SFXN2: variants seen among roughly 807,000 people sequenced by gnomAD.
SFXN2 encodes the protein sideroflexin 2, also known as sideroflexin-2.
A neutral mutation model predicts 41.9 loss-of-function variants in SFXN2; 37 were observed. The observed-to-expected ratio is 0.88, with a 90% CI of 0.68 to 1.16. The LOEUF is 1.16. SFXN2 is among the 50% of genes most tolerant of loss of function. The pLI is 0.00. For synonymous variants in SFXN2, 150 were observed against 156.7 expected, an observed-to-expected ratio of 0.96 and a Z score of 0.32; for missense variants, 386 against 425.2, an observed-to-expected ratio of 0.91 and a Z score of 0.81.
At chr10:102,725,420 C>T (rs1025563863) in intron 1 of SFXN2, among the ~76,000 whole-genome samples, 3 of 152,122 alleles carry the variant, frequency 2.0e-5, no homozygotes, top group African/African-American at 7.2e-5. Flanking sequence ...AAGGGTAGAC[C>T]TTGTTGAGAA....
intron 1 of SFXN2, among the ~76,000 whole-genome samples, chr10:102,718,612 C>G (rs530876019): frequency 6.6e-6 from 1 of 152,238 alleles, no homozygotes; most frequent in Admixed American, 6.5e-5. Flanking sequence ...AGAGAAGCAT[C>G]GGGGCCAGGC....
chr10:102,722,541 A>G (rs1002255444), intron 1 of SFXN2, among the ~76,000 whole-genome samples: 10 of 152,246 alleles, frequency 6.6e-5, no homozygotes, highest in African/African-American at 2.4e-4. Context: ...TTTGTTTGTT[A>G]GTGTTTTTTC....
At chr10:102,719,408 T>TA (rs1009129171) in intron 1 of SFXN2, among the ~76,000 whole-genome samples, 53 of 150,982 alleles carry the variant, frequency 3.5e-4, no homozygotes, top group African/African-American at 8.0e-4. Flanking sequence ...TTTTTTTTTT[T>TA]ATTAGAGATG....
chr10:102,731,840 C>G, intron 7 of SFXN2, 57 bp downstream of exon 7: 13 of 1,502,064 alleles, frequency 8.7e-6, no homozygotes, highest in Non-Finnish European at 1.2e-5. Flanking sequence ...ATACCCTGTC[C>G]CCTCCTTAGT....
intron 1 of SFXN2, among the ~76,000 whole-genome samples, chr10:102,721,536 A>G (rs982945776): frequency 6.8e-6 from 1 of 147,744 alleles, no homozygotes; most frequent in African/African-American, 2.4e-5. Flanking sequence ...ATTCATGTCT[A>G]TATAAATAAA....
rs191210516 is a variant in SFXN2 at position 102,714,688 on chromosome 10, G to A, written c.-26+7G>A. On this transcript the variant is annotated splice_region_variant and intron_variant, in intron 1 of 11. Coordinates refer to ENST00000369893, the MANE Select transcript of SFXN2 (RefSeq NM_178858.6). ...GCATTTGTCCCGGGACCAGGTAAGG[G>A]GCCTTGGGACAATGGCGCTCGCCCT... 106 of 210,586 alleles carry A rather than the reference G, an allele frequency of 5.0e-4. No homozygotes were observed. The East Asian group carries it at 9.6e-3, about 19-fold the overall frequency. 13.0% of individuals were successfully genotyped at this position (210,586 alleles called of 1,614,324 possible).
chr10:102,715,055 CAG>C (rs1388306438), intron 1 of SFXN2: 1 of 152,712 alleles, frequency 6.5e-6, no homozygotes, highest in African/African-American at 2.4e-5. Context: ...TGTTTTGACA[CAG>C]GGTGTCGCTC....
intron 11 of SFXN2, 34 bp downstream of exon 11, chr10:102,735,943 G>A: frequency 6.2e-7 from 1 of 1,607,996 alleles, no homozygotes; most frequent in Non-Finnish European, 8.5e-7. Context: ...TGGTTTAATT[G>A]ACCATGCTGC....
rs1035270087 is a variant in SFXN2, at chr10:102,730,567, C to G, written c.593+759C>G. ...TGCTGCTCCATTCATCTTTCCTTCC[C>G]CATCCAGTGGCCCTTTCCTAACAGG... On this transcript the variant is annotated intron_variant, in intron 6 of 11. Coordinates refer to ENST00000369893, the MANE Select transcript of SFXN2 (RefSeq NM_178858.6). Among the ~76,000 whole-genome samples, 3 of 152,224 alleles carry G rather than the reference C, an allele frequency of 2.0e-5. No individual in the cohort carries two copies. In the East Asian group the frequency reaches 5.8e-4, roughly 29 times the overall value.
At chr10:102,731,811 G>A in intron 7 of SFXN2, 28 bp downstream of exon 7, 1 of 1,605,748 alleles carries the variant, frequency 6.2e-7, no homozygotes, top group Non-Finnish European at 8.5e-7. Flanking sequence ...TTTGGGGTGG[G>A]AGGAGGGAAT....
intron 11 of SFXN2, 71 bp from the exon 12 acceptor site, chr10:102,737,592 T>A: frequency 1.1e-6 from 1 of 948,936 alleles, no homozygotes; most frequent in Admixed American, 1.8e-5. Context: ...TTCTTGGAGG[T>A]GATATTCATC....
intron 10 of SFXN2, among the ~76,000 whole-genome samples, chr10:102,735,546 C>G (rs1337296158): frequency 2.0e-5 from 3 of 152,126 alleles, no homozygotes; most frequent in Non-Finnish European, 2.9e-5. Flanking sequence ...TCCTTTCGCT[C>G]GATGCCAGCA....
At chr10:102,737,458 G>A (rs1454233320) in intron 11 of SFXN2, among the ~76,000 whole-genome samples, 2 of 152,190 alleles carry the variant, frequency 1.3e-5, no homozygotes, top group African/African-American at 4.8e-5. Context: ...ATCTTGTGGA[G>A]AAGATGGAAG....
chr10:102,721,191 C>G (rs1046793800), intron 1 of SFXN2, among the ~76,000 whole-genome samples: 2 of 152,044 alleles, frequency 1.3e-5, no homozygotes, highest in African/African-American at 4.8e-5. Flanking sequence ...AAATCAATTT[C>G]TATATTTTAT....
chr10:102,737,476 G>C (rs932357894), intron 11 of SFXN2, among the ~76,000 whole-genome samples, 187 bp from the exon 12 acceptor site: 3 of 152,266 alleles, frequency 2.0e-5, no homozygotes, highest in Admixed American at 2.0e-4. Flanking sequence ...AAGTTGAAAC[G>C]AAGAACCATA....
intron 5 of SFXN2, 136 bp downstream of exon 5, chr10:102,729,530 G>T: frequency 8.5e-7 from 1 of 1,179,720 alleles, no homozygotes; most frequent in East Asian, 2.5e-5. Context: ...CAAGTGATGA[G>T]AAATACACCA....
chr10:102,729,658 C>T (rs2064669712), intron 5 of SFXN2, 65 bp from the exon 6 acceptor site: 1 of 1,514,608 alleles, frequency 6.6e-7, no homozygotes, highest in Non-Finnish European at 9.1e-7. Context: ...TCTAGTCGTT[C>T]AGCCCCCTCC....
intron 2 of SFXN2, 64 bp downstream of exon 2, chr10:102,726,861 G>GGTGGAAACCGAA: frequency 1.3e-6 from 2 of 1,598,826 alleles, no homozygotes; most frequent in Non-Finnish European, 1.7e-6. Flanking sequence ...CTTGGGAGGA[G>GGTGGAAACCGAA]GTGGAAACCG....
chr10:102,727,291 C>T, intron 3 of SFXN2, 134 bp downstream of exon 3: 2 of 926,700 alleles, frequency 2.2e-6, no homozygotes, highest in East Asian at 2.6e-5. Flanking sequence ...ACATTCTTTG[C>T]TCGTATTGCT....
Sources: allele counts gnomAD v4.1 joint callset (sites outside exome capture counted in the v4.1 genomes callset), GRCh38; gene constraint gnomAD v4.1.1; transcripts MANE v1.5; gene names NCBI Gene and HGNC (gene_info 2026-07-23, HGNC 2026-07-21).